The following GPRC5C variants were observed in gnomAD, a reference collection of about 807,000 sequenced individuals.
GPRC5C encodes G protein-coupled receptor family C group 5 member C.
In GPRC5C, 22 loss-of-function variants were observed where a neutral mutation model predicts 31.4. That is an observed-to-expected ratio of 0.70 (90% CI 0.50 to 1.00). The LOEUF is 1.00. GPRC5C is among the 50% of genes least tolerant of loss of function. The pLI is 0.00. For missense variants in GPRC5C, 557 were observed against 597.2 expected, an observed-to-expected ratio of 0.93 and a Z score of 0.70; for synonymous variants, 249 against 257.5, an observed-to-expected ratio of 0.97 and a Z score of 0.32.
chr17:74,443,645 G>A (rs768073454), intron 2 of GPRC5C, 173 bp from the exon 3 acceptor site: 7 of 696,388 alleles, frequency 1.0e-5, no homozygotes, highest in East Asian at 2.8e-5. Flanking sequence ...GGGGGCCCCC[G>A]TGTTCACAAC....
intron 3 of GPRC5C, chr17:74,445,790 C>T (rs1412312645): frequency 1.3e-5 from 2 of 152,142 alleles, no homozygotes; most frequent in Non-Finnish European, 2.9e-5. Flanking sequence ...TCAGGACCCT[C>T]TTCACCCCAC....
downstream of GPRC5C, among the ~76,000 whole-genome samples, chr17:74,448,387 T>C (rs960205843): frequency 3.3e-5 from 5 of 151,814 alleles, no homozygotes; most frequent in Admixed American, 1.3e-4. Flanking sequence ...TTAATTTAAT[T>C]TTTTTTTTGA....
chr17:74,448,828 C>G (rs912669976), downstream of GPRC5C: 1 of 1,277,174 alleles, frequency 7.8e-7, no homozygotes, highest in Non-Finnish European at 1.0e-6. Context: ...TACAGGTAAG[C>G]GAACTGACCC....
Position 74,443,928 on chromosome 17 carries a change from A to T in GPRC5C, c.1146+16A>T, listed in dbSNP as rs772317547. ...CAAAGTTCCGGTAAGTGGGTTCCCC[A>T]GGTCCCCGTGACACGTCTGGGCTAC... On this transcript the variant is annotated intron_variant, in intron 3 of 3. Transcript: ENST00000392627. 3.2e-6 allele frequency: 5 copies of T among 1,553,202 alleles called. No individual in the cohort carries two copies. In the Admixed American group the frequency reaches 8.4e-5, roughly 26 times the overall value.
chr17:74,432,695 G>A (rs1386207053), intron 1 of GPRC5C, among the ~76,000 whole-genome samples: 1 of 151,766 alleles, frequency 6.6e-6, no homozygotes, highest in Non-Finnish European at 1.5e-5. Context: ...GACTGGGGGG[G>A]TGGGGGAGCC....
intron 1 of GPRC5C, among the ~76,000 whole-genome samples, chr17:74,438,489 G>T (rs2055476909): frequency 1.3e-5 from 2 of 151,898 alleles, no homozygotes; most frequent in Non-Finnish European, 2.9e-5. Flanking sequence ...TCGAACTCCT[G>T]ACCTCAAGTG....
chr17:74,439,035 A>C (rs761735432), intron 1 of GPRC5C, among the ~76,000 whole-genome samples: 7 of 152,046 alleles, frequency 4.6e-5, no homozygotes, highest in Non-Finnish European at 8.8e-5. Flanking sequence ...CCTGGTTCTT[A>C]CTTTTAAAAT....
At chr17:74,450,390 G>T (rs1792605198), downstream of GPRC5C, 1 of 152,306 alleles carries the variant, frequency 6.6e-6, no homozygotes, top group African/African-American at 2.4e-5. Flanking sequence ...CATTCTCAGG[G>T]ACCAGTGGAG....
In GPRC5C at chr17:74,442,169, AT is replaced by A. The variant is rs2055552105; in HGVS notation, c.1051+1347del. 5.9e-5 allele frequency among the ~76,000 whole-genome samples: 9 copies of A among 151,974 alleles called. No homozygotes were observed. In the South Asian group the frequency reaches 1.9e-3, roughly 32 times the overall value. On this transcript the variant is annotated intron_variant, in intron 2 of 3. Transcript: ENST00000392627. ...AGGCACGTGCCACCACACCTGGCTA[AT>A]TTTTGTATTTTTAATAGAGACGGGA...
chr17:74,443,156 A>C (rs536037601), intron 2 of GPRC5C: 41 of 169,872 alleles, frequency 2.4e-4, no homozygotes, highest in African/African-American at 9.1e-4. Context: ...GCCCTCCTCA[A>C]ACACCCTGGG....
chr17:74,436,045 C>G (rs537040305), intron 1 of GPRC5C, among the ~76,000 whole-genome samples: 1 of 152,318 alleles, frequency 6.6e-6, no homozygotes, highest in East Asian at 1.9e-4. Flanking sequence ...GACTCTTTTC[C>G]TAAAAGCGCA....
At chr17:74,433,386 G>T (rs1304249031) in intron 1 of GPRC5C, among the ~76,000 whole-genome samples, 1 of 151,996 alleles carries the variant, frequency 6.6e-6, no homozygotes, top group African/African-American at 2.4e-5. Context: ...CCTGGTCTTG[G>T]TGCGGGGCAG....
At chr17:74,445,988 C>CG (rs1555634007) in intron 3 of GPRC5C, 5 of 16,892 alleles carry the variant, frequency 3.0e-4, no homozygotes, top group South Asian at 3.3e-3. Flanking sequence ...GTGAGACCCC[C>CG]CCCCCCCGCC....
At chr17:74,436,932 T>C (rs920164515) in intron 1 of GPRC5C, among the ~76,000 whole-genome samples, 1 of 152,140 alleles carries the variant, frequency 6.6e-6, no homozygotes, top group Non-Finnish European at 1.5e-5. Context: ...TTGTTGTTGT[T>C]GTTGTTGTCG....
chr17:74,440,959 TA>T lies in GPRC5C; in HGVS notation c.1051+135del, dbSNP rs2055529084. 1.4e-6 allele frequency: 1 copy of T among 705,578 alleles called. No homozygotes were observed. The highest frequency in any genetic ancestry group is 4.2e-5 in the Admixed American group (1 of 24,090). 43.7% of individuals were successfully genotyped at this position (705,578 alleles called of 1,614,324 possible). On this transcript the variant is annotated intron_variant, in intron 2 of 3. Transcript: ENST00000392627. The surrounding 1 kb of genome is among the most constrained non-coding windows in gnomAD (Gnocchi z 4.4). ...CTGTAGTTTTCTGCCTAAGTGTCTC[TA>T]AATTCCATTTAATTTAAAGATTTTT...
At chr17:74,446,609 C>T (rs1029529581) in intron 3 of GPRC5C, 10 of 532,032 alleles carry the variant, frequency 1.9e-5, no homozygotes, top group Admixed American at 6.6e-5. Flanking sequence ...CTGTGAAGCC[C>T]CAGCACCATC....
intron 1 of GPRC5C, among the ~76,000 whole-genome samples, chr17:74,433,195 TG>T (rs1159467866): frequency 1.3e-5 from 2 of 152,060 alleles, no homozygotes; most frequent in African/African-American, 4.8e-5. Context: ...AGGAGACTGT[TG>T]GAAGTAGGGT....
At chr17:74,448,703 G>A, downstream of GPRC5C, 2 of 444,286 alleles carry the variant, frequency 4.5e-6, no homozygotes, top group South Asian at 3.2e-5. Context: ...AATCCCCAAG[G>A]CTGCCCTGGA....
chr17:74,439,801 A>T lies in GPRC5C; in HGVS notation c.25A>T (p.Met9Leu). The T allele has an allele frequency of 6.2e-7, 1 of 1,613,474 alleles. No individual in the cohort carries two copies. The highest frequency in any genetic ancestry group is 8.5e-7 in the Non-Finnish European group (1 of 1,179,850). MAIHKALV[M>L]CLGLPLFLFP... ...GATGGCCATCCACAAAGCCTTGGTG[A>T]TGTGCCTGGGACTGCCTCTCTTCCT... Residue 9 changes from methionine to leucine, a missense_variant, in exon 2 of 4, where the codon ATG (methionine) becomes TTG (leucine). By Grantham distance (15) the Met-to-Leu change is conservative. Transcript: ENST00000392627.
Sources: allele counts gnomAD v4.1 joint callset (sites outside exome capture counted in the v4.1 genomes callset), GRCh38; gene constraint gnomAD v4.1.1; non-coding constraint Gnocchi (gnomAD v3.1); transcripts MANE v1.5; gene names NCBI Gene and HGNC (gene_info 2026-07-23, HGNC 2026-07-21).